BPIFB4: variants seen among roughly 807,000 people sequenced by gnomAD.
BPIFB4 encodes the protein BPI fold-containing family B member 4.
Under a neutral mutation model 69.2 loss-of-function variants are expected in BPIFB4, and 62 were observed. The observed-to-expected ratio is 0.90, with a 90% CI of 0.73 to 1.11. BPIFB4 has a LOEUF of 1.11. Ranked by LOEUF, BPIFB4 falls within the 50% of genes least tolerant of loss-of-function variation. BPIFB4 has a pLI of 0.00. For synonymous variants in BPIFB4, 330 were observed against 332.7 expected (o/e 0.99, Z 0.09); for missense variants, 789 against 792.0 (o/e 1.00, Z 0.04).
Position 33,087,717 on chromosome 20 carries a change from AACACACAC to A in BPIFB4, c.927-1219_927-1212del, listed in dbSNP as rs1555882746. Among the ~76,000 whole-genome samples the A allele has an allele frequency of 9.6e-4, 57 of 59,434 alleles. 1 individual carries two copies. Among genetic ancestry groups the A allele is most frequent in the East Asian group, 6.2e-3 (4 of 648 alleles). 39.0% of individuals were successfully genotyped at this position (59,434 alleles called of 152,430 possible). A position where few individuals can be genotyped will look rare whatever the true frequency, so the allele number is the denominator to read the frequency against. On this transcript the variant is annotated intron_variant, in intron 7 of 17. Coordinates refer to ENST00000375483, the MANE Select transcript of BPIFB4 (RefSeq NM_182519.3). ...TAAAGGAAAGTCCAACTATCCCCTC[AACACACAC>A]ACACACACACACACACACACACACA...
intron 7 of BPIFB4, among the ~76,000 whole-genome samples, chr20:33,087,367 C>T (rs187840946): frequency 6.6e-6 from 1 of 152,254 alleles, no homozygotes; most frequent in Non-Finnish European, 1.5e-5. Flanking sequence ...CATCTTCCAC[C>T]CTCCTTTTAT....
chr20:33,101,168 A>C (rs1236188013), intron 14 of BPIFB4, among the ~76,000 whole-genome samples: 1 of 152,132 alleles, frequency 6.6e-6, no homozygotes, highest in Non-Finnish European at 1.5e-5. Context: ...CTCCCCTCTG[A>C]TGGTCCCAGT....
chr20:33,090,681 C>T, intron 9 of BPIFB4, 27 bp from the exon 10 acceptor site: 1 of 1,613,148 alleles, frequency 6.2e-7, no homozygotes, highest in Non-Finnish European at 8.5e-7. Flanking sequence ...GAGGGGACCT[C>T]CCTGTGACCC....
chr20:33,110,929 C>A (rs1426454451), intron 17 of BPIFB4, among the ~76,000 whole-genome samples: 1 of 150,514 alleles, frequency 6.6e-6, no homozygotes, highest in African/African-American at 2.4e-5. Context: ...GATTCTTGTG[C>A]CTCAGCCTCC....
At chr20:33,100,142 C>T (rs1009564344) in intron 13 of BPIFB4, among the ~76,000 whole-genome samples, 4 of 152,284 alleles carry the variant, frequency 2.6e-5, no homozygotes, top group Non-Finnish European at 5.9e-5. Context: ...GAGAAGTGTT[C>T]ACTCAGCCCT....
chr20:33,084,095 C>T (rs937162410), intron 5 of BPIFB4, among the ~76,000 whole-genome samples: 1 of 152,126 alleles, frequency 6.6e-6, no homozygotes, highest in Non-Finnish European at 1.5e-5. Flanking sequence ...TTCATGTTTG[C>T]GTGTGACTTT....
intron 17 of BPIFB4, among the ~76,000 whole-genome samples, chr20:33,108,410 CATATATATATGTCTAT>C (rs1568589685): frequency 1.5e-5 from 1 of 68,388 alleles, no homozygotes; most frequent in East Asian, 2.6e-4. Flanking sequence ...AGTATGCATC[CATATATATATGTCTAT>C]ATATATATAT....
chr20:33,096,931 A>G (rs1372439063), intron 12 of BPIFB4, among the ~76,000 whole-genome samples: 1 of 152,252 alleles, frequency 6.6e-6, no homozygotes, highest in Admixed American at 6.5e-5. Context: ...TAAGTCAATC[A>G]TTTGATAAAT....
chr20:33,093,547 C>G (rs1205656764), intron 11 of BPIFB4, among the ~76,000 whole-genome samples: 4 of 96,970 alleles, frequency 4.1e-5, no homozygotes, highest in African/African-American at 1.4e-4. Flanking sequence ...TCAACCCACC[C>G]ATCCTTCCAT....
intron 12 of BPIFB4, 26 bp downstream of exon 12, chr20:33,095,179 G>T (rs748445029): frequency 6.4e-7 from 1 of 1,568,594 alleles, no homozygotes; most frequent in South Asian, 1.1e-5. Flanking sequence ...AGGTCCCATT[G>T]CCTTCAGCCT....
At chr20:33,090,068 C>T (rs1251975820) in intron 9 of BPIFB4, among the ~76,000 whole-genome samples, 2 of 152,256 alleles carry the variant, frequency 1.3e-5, no homozygotes, top group African/African-American at 2.4e-5. Flanking sequence ...CAAGCCCGCC[C>T]TGTATGGCTG....
intron 11 of BPIFB4, among the ~76,000 whole-genome samples, chr20:33,094,096 C>A (rs1258383475): frequency 6.6e-6 from 1 of 152,150 alleles, no homozygotes; most frequent in Non-Finnish European, 1.5e-5. Context: ...ACAAATGATG[C>A]CAACACTTGC....
rs779428406 is a variant in BPIFB4, at chr20:33,088,953, C to T, written c.927-13C>T. On this transcript the variant is annotated splice_polypyrimidine_tract_variant and intron_variant, in intron 7 of 17. Coordinates refer to ENST00000375483, the MANE Select transcript of BPIFB4 (RefSeq NM_182519.3). ...CTGCGAGCCTTGACCTCATCCTGCT[C>T]CTGTCTCCTTAGGCTTCTCCCCAAT... 4.3e-6 allele frequency: 7 copies of T among 1,613,534 alleles called. No individual in the cohort carries two copies. Among genetic ancestry groups the T allele is most frequent in the Non-Finnish European group, 1.7e-6 (2 of 1,179,664 alleles).
Position 33,086,172 on chromosome 20 carries a change from C to G in BPIFB4, c.926+8C>G, listed in dbSNP as rs1162595652. ...AGTCAAGCTGCTGCGAGGGTGAGTGCTAGCCGGCAGTGGAGTGCCTTGGGG... is the reference window on the plus strand; with the variant it reads ...AGTCAAGCTGCTGCGAGGGTGAGTGGTAGCCGGCAGTGGAGTGCCTTGGGG... On this transcript the variant is annotated splice_region_variant and intron_variant, in intron 7 of 17. Transcript: ENST00000375483. The G allele has an allele frequency of 6.2e-7, 1 of 1,601,872 alleles. No individual in the cohort carries two copies. Among genetic ancestry groups the G allele is most frequent in the South Asian group, 1.1e-5 (1 of 90,842 alleles).
chr20:33,106,025 G>C (rs1033973905), intron 16 of BPIFB4, among the ~76,000 whole-genome samples: 1 of 152,196 alleles, frequency 6.6e-6, no homozygotes, highest in Non-Finnish European at 1.5e-5. Context: ...CCATGGCCGA[G>C]CAAGTTTGGG....
At chr20:33,101,324 A>T (rs1981902460) in intron 14 of BPIFB4, among the ~76,000 whole-genome samples, 1 of 152,192 alleles carries the variant, frequency 6.6e-6, no homozygotes, top group South Asian at 2.1e-4. Flanking sequence ...GGATGGGTAC[A>T]ATCATGCGCT....
At chr20:33,094,413 A>C (rs964410478) in intron 11 of BPIFB4, among the ~76,000 whole-genome samples, 1 of 152,244 alleles carries the variant, frequency 6.6e-6, no homozygotes, top group East Asian at 1.9e-4. Context: ...GACAGAGGTC[A>C]TGAATTTAGT....
At chr20:33,091,674 A>G (rs968237304) in intron 10 of BPIFB4, among the ~76,000 whole-genome samples, 4 of 152,270 alleles carry the variant, frequency 2.6e-5, no homozygotes, top group Admixed American at 6.5e-5. Flanking sequence ...CACCCGCTGT[A>G]TGCCTGAGCT....
Position 33,103,011 on chromosome 20 carries a change from T to C in BPIFB4, c.1677T>C (p.Phe559=), listed in dbSNP as rs1981949233. Residue 559 remains phenylalanine (F), a synonymous_variant, in exon 15 of 18, where the codon TTT becomes TTC. Coordinates refer to ENST00000375483, the MANE Select transcript of BPIFB4 (RefSeq NM_182519.3). ...LNLRTSNVGN[F]DIGLMEVLVE... Reference sequence around the variant, plus strand: ...TCAGAACCTCAAACGTGGGCAACTTTGATGTAAGTACCATGTTTAGTTCCC... The same window carrying C: ...TCAGAACCTCAAACGTGGGCAACTTCGATGTAAGTACCATGTTTAGTTCCC... 1 of 1,613,766 alleles carries C rather than the reference T, an allele frequency of 6.2e-7. No homozygotes were observed. The highest frequency in any genetic ancestry group is 1.3e-5 in the African/African-American group (1 of 74,906).
Sources: gnomAD v4.1 joint callset for allele counts (sites outside exome capture counted in the v4.1 genomes callset) on GRCh38, gnomAD v4.1.1 for gene constraint, MANE v1.5 for transcripts, NCBI Gene and HGNC (gene_info 2026-07-23, HGNC 2026-07-21) for gene names.